ZBTB43: variants seen among roughly 807,000 people sequenced by gnomAD.
ZBTB43 encodes the protein zinc finger and BTB domain-containing protein 43.
Under a neutral mutation model 31.1 loss-of-function variants are expected in ZBTB43, and 6 were observed. That is an observed-to-expected ratio of 0.19 (90% CI 0.11 to 0.38). The LOEUF (loss-of-function observed/expected upper bound fraction) is 0.38. Ranked by LOEUF, ZBTB43 falls within the 10% of genes least tolerant of loss-of-function variation. The pLI is 1.00. For synonymous variants in ZBTB43, 212 were observed against 221.7 expected (o/e 0.96, Z 0.39); for missense variants, 379 against 602.1 (o/e 0.63, Z 3.88).
Position 126,814,760 on chromosome 9 carries a change from T to C in ZBTB43, c.-24+5845T>C, listed in dbSNP as rs538820386. Among the ~76,000 whole-genome samples the C allele has an allele frequency of 3.3e-5, 5 of 152,094 alleles. No individual in the cohort carries two copies. The South Asian group carries it at 8.3e-4, about 25-fold the overall frequency. On this transcript the variant is annotated intron_variant, in intron 2 of 2. Coordinates refer to ENST00000373464, the MANE Select transcript of ZBTB43 (RefSeq NM_014007.4). ...GTGAGCTGAGATTGCACCACTGTAC[T>C]CCAGCCTGGGCAACAGAGCAAGACT...
chr9:126,815,642 GTC>G (rs78076730), intron 2 of ZBTB43, among the ~76,000 whole-genome samples: 28 of 129,074 alleles, frequency 2.2e-4, no homozygotes, highest in African/African-American at 6.0e-4. Flanking sequence ...TTTTATTTGG[GTC>G]TCTCTCTCTC....
At chr9:126,826,431 G>A (rs1018287738) in intron 2 of ZBTB43, among the ~76,000 whole-genome samples, 9 of 137,264 alleles carry the variant, frequency 6.6e-5, no homozygotes, top group Non-Finnish European at 1.1e-4. Flanking sequence ...ACAGGCGTGC[G>A]CCACCACTCC....
rs1380311614 is a variant in ZBTB43, at chr9:126,838,062, AT to A, written c.*4150del. 1 of 166,992 alleles carries A rather than the reference AT, an allele frequency of 6.0e-6. No individual in the cohort carries two copies. The highest frequency in any genetic ancestry group is 1.5e-5 in the Non-Finnish European group (1 of 68,104). The allele number at this position is 166,992 out of a possible 1,614,324, so 10.3% of individuals were successfully genotyped here. On this transcript the variant is annotated 3_prime_UTR_variant, in exon 3 of 3. Transcript: ENST00000373464. ...GTTATGCCTATGTTGCAAAAGTTGA[AT>A]AGTTTTGTCTTTATATATTGCTGTC...
intron 2 of ZBTB43, among the ~76,000 whole-genome samples, chr9:126,824,785 T>C (rs937557334): frequency 2.6e-5 from 4 of 152,252 alleles, no homozygotes; most frequent in Non-Finnish European, 5.9e-5. Context: ...GCTTCTTGAA[T>C]GTGTAGATTC....
intron 2 of ZBTB43, among the ~76,000 whole-genome samples, chr9:126,828,639 A>ATTATTATTATTATT (rs1564206179): frequency 5.5e-5 from 7 of 126,936 alleles, no homozygotes; most frequent in African/African-American, 2.3e-4. Context: ...AAATAATAAT[A>ATTATTATTATTATT]ATAATAATAA....
At chr9:126,810,309 C>T (rs1172364733) in intron 2 of ZBTB43, among the ~76,000 whole-genome samples, 1 of 152,068 alleles carries the variant, frequency 6.6e-6, no homozygotes, top group Non-Finnish European at 1.5e-5. Context: ...ATTTTCCTTC[C>T]TCAGCCTCCT....
intron 2 of ZBTB43, among the ~76,000 whole-genome samples, chr9:126,827,534 GTGAGTGTC>G (rs1443092947): frequency 6.6e-6 from 1 of 152,174 alleles, no homozygotes; most frequent in East Asian, 1.9e-4. Flanking sequence ...CTTGGTTGCT[GTGAGTGTC>G]TGATCCGCTT....
rs2032828250 is a variant in ZBTB43, at chr9:126,834,030, G to A, written c.*117G>A. 7 of 1,105,234 alleles carry A rather than the reference G, an allele frequency of 6.3e-6. No individual in the cohort carries two copies. Among genetic ancestry groups the A allele is most frequent in the East Asian group, 2.5e-5 (1 of 39,880 alleles). The allele number at this position is 1,105,234 out of a possible 1,614,324, so 68.5% of individuals were successfully genotyped here. A position where few individuals can be genotyped will look rare whatever the true frequency, so the allele number is the denominator to read the frequency against. On this transcript the variant is annotated 3_prime_UTR_variant, in exon 3 of 3. Transcript: ENST00000373464. ...TATGAGAGAAGCTTAAAAAAAAAAA[G>A]GAAGATATTTCTGAAAGACCAGCTC... is the stretch of plus-strand genomic sequence containing the variant.
chr9:126,805,734 G>T (rs557466082), intron 1 of ZBTB43, among the ~76,000 whole-genome samples: 6 of 152,324 alleles, frequency 3.9e-5, no homozygotes, highest in Non-Finnish European at 7.3e-5. Flanking sequence ...TTCTGTGTCT[G>T]TTCACCCTGT....
Position 126,833,351 on chromosome 9 carries a change from C to A in ZBTB43, c.842C>A (p.Thr281Lys), listed in dbSNP as rs749857953. ...ESINTVQTEHTVQPSGVEEDF... is the reference protein window; with the variant it reads ...ESINTVQTEHKVQPSGVEEDF... The stretch of plus-strand genomic sequence containing the variant: ...ATCAACACCGTGCAGACAGAGCACA[C>A]GGTGCAGCCTTCGGGAGTGGAGGAG... Residue 281 changes from threonine to lysine, a missense_variant, in exon 3 of 3, where the codon ACG becomes AAG. Thr to Lys is a moderately conservative substitution (Grantham distance 78). Coordinates refer to ENST00000373464, the MANE Select transcript of ZBTB43 (RefSeq NM_014007.4). This position sits in a 1 kb window ranked among gnomAD's most constrained non-coding sequence, Gnocchi z 7.9. 6.2e-7 allele frequency: 1 copy of A among 1,612,872 alleles called. No homozygotes were observed. The highest frequency in any genetic ancestry group is 8.5e-7 in the Non-Finnish European group (1 of 1,179,450).
chr9:126,826,565 G>A (rs987271674), intron 2 of ZBTB43, among the ~76,000 whole-genome samples: 1 of 137,824 alleles, frequency 7.3e-6, no homozygotes, highest in African/African-American at 2.7e-5. Flanking sequence ...CCGGGTTCAC[G>A]CCATTCTCCC....
chr9:126,816,424 AT>A (rs1206349347), intron 2 of ZBTB43, among the ~76,000 whole-genome samples: 1 of 152,036 alleles, frequency 6.6e-6, no homozygotes, highest in East Asian at 1.9e-4. Flanking sequence ...CTTATACTTT[AT>A]TCAGAGACTG....
At chr9:126,816,975 C>T (rs1272713274) in intron 2 of ZBTB43, among the ~76,000 whole-genome samples, 4 of 152,104 alleles carry the variant, frequency 2.6e-5, no homozygotes, top group Non-Finnish European at 4.4e-5. Flanking sequence ...ACCTGTCTGT[C>T]CTTGGCTTTT....
rs2032911217 is a variant in ZBTB43, at chr9:126,837,679, G to GT, written c.*3768dup. 1 of 167,082 alleles carries GT rather than the reference G, an allele frequency of 6.0e-6. No homozygotes were observed. Among genetic ancestry groups the GT allele is most frequent in the African/African-American group, 2.4e-5 (1 of 41,434 alleles). The allele number at this position is 167,082 out of a possible 1,614,324, so 10.3% of individuals were successfully genotyped here. On this transcript the variant is annotated 3_prime_UTR_variant, in exon 3 of 3. Transcript: ENST00000373464. ...CTGTGCCACCAGTTTTGTGATTTAGGTTGCTTTAGTGGGTGACTAACTTTT... is the reference window on the plus strand; with the variant it reads ...CTGTGCCACCAGTTTTGTGATTTAGGTTTGCTTTAGTGGGTGACTAACTTTT...
intron 2 of ZBTB43, among the ~76,000 whole-genome samples, chr9:126,830,611 G>C (rs951399797): frequency 3.3e-4 from 50 of 152,266 alleles, no homozygotes; most frequent in Admixed American, 3.1e-3. Context: ...TCACACCACT[G>C]TACTCCAGCC....
At chr9:126,827,601 G>A (rs964337243) in intron 2 of ZBTB43, among the ~76,000 whole-genome samples, 10 of 152,218 alleles carry the variant, frequency 6.6e-5, no homozygotes, top group African/African-American at 2.4e-4. Context: ...CTTCCTGATT[G>A]TATTGGTGGA....
rs151121700 is a variant in ZBTB43 at position 126,807,992 on chromosome 9, C to A, written c.-146-801C>A. 5.6e-3 allele frequency among the ~76,000 whole-genome samples: 856 copies of A among 152,142 alleles called. 15 individuals are homozygous for A. The highest frequency in any genetic ancestry group is 0.02 in the African/African-American group (810 of 41,484). ...TTGCAGTTAGAATAGGGGCTTTTGT[C>A]TTATTTGTAACATATTGAGGAAAAA... On this transcript the variant is annotated intron_variant, in intron 1 of 2. Coordinates refer to ENST00000373464, the MANE Select transcript of ZBTB43 (RefSeq NM_014007.4).
chr9:126,831,003 C>A (rs763943034), intron 2 of ZBTB43, among the ~76,000 whole-genome samples: 7 of 152,256 alleles, frequency 4.6e-5, no homozygotes, highest in Middle Eastern at 3.4e-3. Context: ...AGAAGCATAC[C>A]TCACCTTGCA....
intron 2 of ZBTB43, among the ~76,000 whole-genome samples, chr9:126,822,767 G>A (rs1414230988): frequency 6.6e-6 from 1 of 152,042 alleles, no homozygotes; most frequent in East Asian, 1.9e-4. Context: ...GAAAGAAATT[G>A]CTACAGCCAC....
Sources: gnomAD v4.1 joint callset for allele counts (sites outside exome capture counted in the v4.1 genomes callset) on GRCh38, gnomAD v4.1.1 for gene constraint, Gnocchi (gnomAD v3.1) non-coding constraint, MANE v1.5 for transcripts, NCBI Gene and HGNC (gene_info 2026-07-23, HGNC 2026-07-21) for gene names.